Variants in RSL24D1 observed in about 807,000 individuals in gnomAD.
RSL24D1 encodes probable ribosome biogenesis protein RLP24.
In RSL24D1, 6 loss-of-function variants were observed where a neutral mutation model predicts 26.2. The observed-to-expected ratio is 0.23, with a 90% CI of 0.13 to 0.45. RSL24D1 has a LOEUF of 0.45. RSL24D1 is among the 20% of genes least tolerant of loss of function. The probability of loss-of-function intolerance (pLI) is 0.99; values close to 1 mark genes in which losing one functional copy is unlikely to be tolerated. For synonymous variants in RSL24D1, 61 were observed against 59.1 expected (o/e 1.03, Z -0.15); for missense variants, 176 against 202.6 (o/e 0.87, Z 0.80).
Position 55,196,799 on chromosome 15 carries a change from G to A in RSL24D1, c.81+11C>T, listed in dbSNP as rs1265572317. Reference sequence around the variant, plus strand: ...CTAGGCTGAAGCAAGAACTGGTGTCGACCGCCTTACCTTGCAATCGTTGCG... The same window carrying A: ...CTAGGCTGAAGCAAGAACTGGTGTCAACCGCCTTACCTTGCAATCGTTGCG... On this transcript the variant is annotated intron_variant, in intron 1 of 5. Transcript: ENST00000260443. 6.2e-7 allele frequency: 1 copy of A among 1,613,964 alleles called. No individual in the cohort carries two copies. Among genetic ancestry groups the A allele is most frequent in the South Asian group, 1.1e-5 (1 of 91,050 alleles).
rs11540399 is a variant in RSL24D1, at chr15:55,181,995, C to T, written c.*157G>A. The stretch of plus-strand genomic sequence containing the variant: ...TAACACTGAGATGCAATCTAACATC[C>T]GTAATATCTGATATTATGTAGATGG... On this transcript the variant is annotated 3_prime_UTR_variant, in exon 6 of 6. Coordinates refer to ENST00000260443, the MANE Select transcript of RSL24D1 (RefSeq NM_016304.3). 14 of 555,166 alleles carry T rather than the reference C, an allele frequency of 2.5e-5. No individual in the cohort carries two copies. The highest frequency in any genetic ancestry group is 5.3e-5 in the South Asian group (2 of 37,592). 34.4% of individuals were successfully genotyped at this position (555,166 alleles called of 1,614,324 possible).
At chr15:55,185,454 G>T (rs369404552) in intron 3 of RSL24D1, 29 bp from the exon 4 acceptor site, 2 of 1,535,078 alleles carry the variant, frequency 1.3e-6, no homozygotes, top group Non-Finnish European at 1.8e-6. Context: ...GTTAGCAAAT[G>T]TATGCACATT....
chr15:55,184,520 C>T (rs1249067437), intron 4 of RSL24D1, among the ~76,000 whole-genome samples: 1 of 152,060 alleles, frequency 6.6e-6, no homozygotes, highest in Admixed American at 6.6e-5. Flanking sequence ...GAAAAACCAC[C>T]ATTTGGCAAC....
chr15:55,187,305 C>G (rs1388104869), intron 3 of RSL24D1, among the ~76,000 whole-genome samples: 1 of 152,070 alleles, frequency 6.6e-6, no homozygotes, highest in African/African-American at 2.4e-5. Context: ...AAAATAAGTA[C>G]AAGTTCTAGT....
At chr15:55,185,282 A>T (rs28592928) in intron 4 of RSL24D1, 80 bp downstream of exon 4, 118,467 of 1,094,456 alleles carry the variant, frequency 0.11, 6,836 homozygotes, top group South Asian at 0.14. Flanking sequence ...AAAATAAAAA[A>T]TTTTTTTAAA....
chr15:55,196,818 C>T lies in RSL24D1; in HGVS notation c.73G>A (p.Asp25Asn), dbSNP rs774087440. 6.2e-7 allele frequency: 1 copy of T among 1,614,194 alleles called. No homozygotes were observed. Among genetic ancestry groups the T allele is most frequent in the Non-Finnish European group, 8.5e-7 (1 of 1,180,024 alleles). ...PGHGMMFVRN[D>N]CKVFRFCKSK... ...GGTGTCGACCGCCTTACCTTGCAAT[C>T]GTTGCGGACGAACATCATGCCGTGT... is the stretch of plus-strand genomic sequence containing the variant. Residue 25 changes from aspartate (D) to asparagine (N), a missense_variant, in exon 1 of 6, where the codon GAT becomes AAT. Transcript: ENST00000260443.
intron 2 of RSL24D1, 90 bp downstream of exon 2, chr15:55,192,630 C>T: frequency 1.2e-6 from 1 of 840,474 alleles, no homozygotes. Flanking sequence ...TTATAGGAGG[C>T]CTTGTTATGA....
rs1236695635 is a variant in RSL24D1 at position 55,180,906 on chromosome 15, A to C, written c.*1246T>G. The C allele has an allele frequency of 6.6e-6, 1 of 152,152 alleles. No homozygotes were observed. The highest frequency in any genetic ancestry group is 1.5e-5 in the Non-Finnish European group (1 of 68,032). 9.4% of individuals were successfully genotyped at this position (152,152 alleles called of 1,614,324 possible). ...TTTCCTCACATGTATCATTTCCCCT[A>C]ATCTTCAATCAATAATATTATTTAC... On this transcript the variant is annotated 3_prime_UTR_variant, in exon 6 of 6. Coordinates refer to ENST00000260443, the MANE Select transcript of RSL24D1 (RefSeq NM_016304.3).
chr15:55,185,235 T>C, intron 4 of RSL24D1, 127 bp downstream of exon 4: 3 of 566,154 alleles, frequency 5.3e-6, no homozygotes, highest in South Asian at 5.7e-5. Context: ...TTCTTCATAT[T>C]ATTCCTTGAA....
intron 1 of RSL24D1, 84 bp downstream of exon 1, chr15:55,196,726 A>T: frequency 7.5e-7 from 1 of 1,331,670 alleles, no homozygotes; most frequent in Non-Finnish European, 1.1e-6. Context: ...AACACGGCAG[A>T]CGCAGAAGCA....
intron 3 of RSL24D1, among the ~76,000 whole-genome samples, chr15:55,188,444 T>C (rs1894247093): frequency 6.6e-6 from 1 of 152,038 alleles, no homozygotes; most frequent in African/African-American, 2.4e-5. Flanking sequence ...AATTTACAGA[T>C]GTATAAATGT....
chr15:55,195,015 A>T (rs1294621287), intron 1 of RSL24D1, among the ~76,000 whole-genome samples: 2 of 121,522 alleles, frequency 1.6e-5, no homozygotes, highest in Non-Finnish European at 3.3e-5. Flanking sequence ...AGACAGTGAG[A>T]CCCTGTCTCA....
rs781607170 is a variant in RSL24D1 at position 55,183,273 on chromosome 15, T to TAC, written c.418+40_418+41dup. Reference sequence around the variant, plus strand: ...TACCCAAAGTTAGTTGGTACCCAAATACACAGACCACAAAAATCTAGATGT... The same window carrying TAC: ...TACCCAAAGTTAGTTGGTACCCAAATACACACAGACCACAAAAATCTAGATGT... On this transcript the variant is annotated intron_variant, in intron 5 of 5. Coordinates refer to ENST00000260443, the MANE Select transcript of RSL24D1 (RefSeq NM_016304.3). 4.0e-6 allele frequency: 6 copies of TAC among 1,496,770 alleles called. No homozygotes were observed. In the African/African-American group the frequency reaches 8.4e-5, roughly 21 times the overall value. The allele number at this position is 1,496,770 out of a possible 1,614,324, so 92.7% of individuals were successfully genotyped here. A position where few individuals can be genotyped will look rare whatever the true frequency, so the allele number is the denominator to read the frequency against.
intron 3 of RSL24D1, among the ~76,000 whole-genome samples, chr15:55,190,158 G>A (rs975760742): frequency 6.8e-6 from 1 of 146,870 alleles, no homozygotes; most frequent in Non-Finnish European, 1.5e-5. Flanking sequence ...TGAGGCAGGA[G>A]AATTGCTTGA....
At chr15:55,190,197 G>A (rs903031877) in intron 3 of RSL24D1, among the ~76,000 whole-genome samples, 11 of 142,954 alleles carry the variant, frequency 7.7e-5, no homozygotes, top group Non-Finnish European at 1.3e-4. Context: ...GCAGTGAGCC[G>A]AGATCGTGCC....
intron 3 of RSL24D1, among the ~76,000 whole-genome samples, chr15:55,187,779 G>A (rs1196255631): frequency 6.6e-6 from 1 of 151,968 alleles, no homozygotes; most frequent in African/African-American, 2.4e-5. Context: ...AAAAACTATA[G>A]ATTGGGTACA....
intron 1 of RSL24D1, among the ~76,000 whole-genome samples, chr15:55,194,544 C>T (rs1894333676): frequency 6.6e-6 from 1 of 151,988 alleles, no homozygotes; most frequent in Admixed American, 6.6e-5. Context: ...ACAAATGATC[C>T]CCCATACCTT....
chr15:55,196,767 G>A (rs1479494448), intron 1 of RSL24D1, 43 bp downstream of exon 1: 17 of 1,601,152 alleles, frequency 1.1e-5, no homozygotes, highest in South Asian at 2.2e-5. Flanking sequence ...CCCAGGAACC[G>A]CGGGAGCTAG....
chr15:55,185,528 T>A, intron 3 of RSL24D1, 103 bp from the exon 4 acceptor site: 2 of 818,816 alleles, frequency 2.4e-6, no homozygotes, highest in Non-Finnish European at 3.8e-6. Context: ...TAGAAATGAA[T>A]TTACATGAAA....
Sources: allele counts gnomAD v4.1 joint callset (sites outside exome capture counted in the v4.1 genomes callset), GRCh38; gene constraint gnomAD v4.1.1; transcripts MANE v1.5; gene names NCBI Gene and HGNC (gene_info 2026-07-23, HGNC 2026-07-21).